The following GSDME variants were observed in gnomAD, a reference collection of about 807,000 sequenced individuals.
The protein encoded by GSDME is gasdermin-E.
In GSDME, 44 loss-of-function variants were observed where a neutral mutation model predicts 47.5. That is an observed-to-expected ratio of 0.93 (90% CI 0.73 to 1.19). The LOEUF (loss-of-function observed/expected upper bound fraction) is 1.19. Ranked by LOEUF, GSDME falls within the 50% of genes most tolerant of loss-of-function variation. The pLI, the probability that GSDME is intolerant of heterozygous loss-of-function variation, is 0.00. For missense variants in GSDME, 663 were observed against 604.2 expected (o/e 1.10, Z -1.02); for synonymous variants, 258 against 252.8 (o/e 1.02, Z -0.20).
At chr7:24,755,211 A>G (rs1209237734) in intron 1 of GSDME, among the ~76,000 whole-genome samples, 2 of 152,214 alleles carry the variant, frequency 1.3e-5, no homozygotes, top group East Asian at 3.8e-4. Flanking sequence ...TCTTGTCATG[A>G]TAAATCAACA....
chr7:24,700,232 A>C (rs1178837956), intron 9 of GSDME, among the ~76,000 whole-genome samples: 1 of 152,188 alleles, frequency 6.6e-6, no homozygotes, highest in Non-Finnish European at 1.5e-5. Flanking sequence ...TGCCGTGCCT[A>C]CAACACAGAC....
chr7:24,748,163 TA>T (rs1327410972), intron 2 of GSDME, among the ~76,000 whole-genome samples: 21,664 of 116,746 alleles, frequency 0.19, 2,100 homozygotes, highest in African/African-American at 0.33. Context: ...TATATATATA[TA>T]TATATTTTTT....
the GSDME span, among the ~76,000 whole-genome samples, chr7:24,766,975 G>A: frequency 6.6e-6 from 1 of 152,130 alleles, no homozygotes; most frequent in Non-Finnish European, 1.5e-5. The surrounding 1 kb of genome is among the most constrained non-coding windows in gnomAD (Gnocchi z 4.2). Context: ...GTTGTTTCCT[G>A]ATTTTTTAAT....
upstream of GSDME, among the ~76,000 whole-genome samples, chr7:24,758,326 C>T (rs1009851977): frequency 2.0e-5 from 3 of 152,216 alleles, no homozygotes; most frequent in Admixed American, 6.5e-5. The surrounding 1 kb of genome is among the most constrained non-coding windows in gnomAD (Gnocchi z 4.6). Context: ...GCCTGACCCG[C>T]TCCCAGGTCC....
At chr7:24,769,517 C>G in the GSDME span, among the ~76,000 whole-genome samples, 3 of 152,320 alleles carry the variant, frequency 2.0e-5, no homozygotes, top group Non-Finnish European at 4.4e-5. Context: ...GAGCCTAACT[C>G]AACTCCAGTC....
chr7:24,771,203 A>G, the GSDME span, among the ~76,000 whole-genome samples: 5 of 152,186 alleles, frequency 3.3e-5, no homozygotes, highest in African/African-American at 1.2e-4. The surrounding 1 kb of genome is among the most constrained non-coding windows in gnomAD (Gnocchi z 4.1). Flanking sequence ...AAATAAAGGA[A>G]AGGCCAAAGA....
chr7:24,722,562 T>C (rs781009336), intron 3 of GSDME, among the ~76,000 whole-genome samples: 5 of 152,302 alleles, frequency 3.3e-5, no homozygotes, highest in African/African-American at 9.6e-5. Context: ...GTCAGACACA[T>C]CACCGCCTGG....
In GSDME at chr7:24,716,202, C is replaced by G. The variant is rs1404213602; in HGVS notation, c.697+1052G>C. Among the ~76,000 whole-genome samples, 1 of 152,174 alleles carries G rather than the reference C, an allele frequency of 6.6e-6. No individual in the cohort carries two copies. Among genetic ancestry groups the G allele is most frequent in the Admixed American group, 6.5e-5 (1 of 15,282 alleles). On this transcript the variant is annotated intron_variant, in intron 5 of 9. Coordinates refer to ENST00000645220, the MANE Select transcript of GSDME (RefSeq NM_001127453.2). This position sits in a 1 kb window ranked among gnomAD's most constrained non-coding sequence, Gnocchi z 4.5. ...TGCTGTTACAGAAAATGTCAAACTG[C>G]ACAGGAATAGAGAGGAGGAGCGTGA...
chr7:24,720,907 CAAAA>C (rs36086754), intron 3 of GSDME, among the ~76,000 whole-genome samples: 3 of 124,188 alleles, frequency 2.4e-5, no homozygotes, highest in Non-Finnish European at 5.4e-5. Flanking sequence ...AACTCCGTCT[CAAAA>C]AAAAAAAAAA....
intron 3 of GSDME, among the ~76,000 whole-genome samples, chr7:24,730,788 C>T (rs537727300): frequency 6.6e-6 from 1 of 152,204 alleles, no homozygotes; most frequent in East Asian, 1.9e-4. Context: ...GCACTCCAGC[C>T]TGGGCAACAG....
In GSDME at chr7:24,717,334, T is replaced by G. The variant is rs768507916; in HGVS notation, c.617A>C (p.Asn206Thr). ...TEDGNVTKDS[N>T]VVLEIPAATT... The stretch of plus-strand genomic sequence containing the variant: ...GGCAGCTGGGATCTCCAGCACCACG[T>G]TGGAGTCCTTGGTGACATTCCCATC... Residue 206 changes from asparagine (N) to threonine (T), a missense_variant, in exon 5 of 10, where the codon AAC (asparagine) becomes ACC (threonine). By Grantham distance (65) the Asn-to-Thr change is moderately conservative (BLOSUM62 0). Transcript: ENST00000645220. 1 of 1,611,548 alleles carries G rather than the reference T, an allele frequency of 6.2e-7. No homozygotes were observed. The highest frequency in any genetic ancestry group is 1.3e-5 in the African/African-American group (1 of 74,610).
chr7:24,761,926 T>C (rs1791171138), upstream of GSDME, among the ~76,000 whole-genome samples: 1 of 152,158 alleles, frequency 6.6e-6, no homozygotes, highest in African/African-American at 2.4e-5. The surrounding 1 kb of genome is among the most constrained non-coding windows in gnomAD (Gnocchi z 4.4). Context: ...TTTCCAGACA[T>C]CTTCTATCTG....
intron 8 of GSDME, chr7:24,703,223 C>T (rs1788952367): frequency 3.0e-6 from 1 of 338,266 alleles, no homozygotes; most frequent in African/African-American, 2.1e-5. Context: ...CCTCTCTCAG[C>T]CTCAGTTTCC....
chr7:24,717,207 G>C, intron 5 of GSDME, 47 bp downstream of exon 5: 1 of 1,611,182 alleles, frequency 6.2e-7, no homozygotes, highest in Non-Finnish European at 8.5e-7. Flanking sequence ...TCTGCTGAGG[G>C]ATCCTCTGCT....
chr7:24,705,546 C>T lies in GSDME; in HGVS notation c.1183+638G>A, dbSNP rs1012844162. The T allele has an allele frequency of 2.5e-5, 4 of 158,734 alleles. No homozygotes were observed. Among genetic ancestry groups the T allele is most frequent in the East Asian group, 1.9e-4 (1 of 5,346 alleles). 9.8% of individuals were successfully genotyped at this position (158,734 alleles called of 1,614,324 possible). On this transcript the variant is annotated intron_variant, in intron 8 of 9. Transcript: ENST00000645220. This position sits in a 1 kb window ranked among gnomAD's most constrained non-coding sequence, Gnocchi z 4.1. ...GAGGGAATAGGAAGCCCAGCTTCCTCGTGACAGGCACTGTGGCATGGCGAG... is the reference window on the plus strand; with the variant it reads ...GAGGGAATAGGAAGCCCAGCTTCCTTGTGACAGGCACTGTGGCATGGCGAG...
At chr7:24,746,137 C>T (rs1187222355) in intron 2 of GSDME, among the ~76,000 whole-genome samples, 1 of 152,222 alleles carries the variant, frequency 6.6e-6, no homozygotes, top group East Asian at 1.9e-4. Flanking sequence ...CAGAAGTAAT[C>T]ACCATTCAAT....
chr7:24,793,732 G>T, the GSDME span, among the ~76,000 whole-genome samples: 2 of 150,384 alleles, frequency 1.3e-5, no homozygotes, highest in Non-Finnish European at 1.5e-5. Flanking sequence ...TTTATTTTAG[G>T]ACAAGAATGT....
intron 7 of GSDME, 83 bp downstream of exon 7, chr7:24,708,044 C>T: frequency 6.4e-7 from 1 of 1,569,642 alleles, no homozygotes; most frequent in South Asian, 1.1e-5. Flanking sequence ...GCGGGGGAAC[C>T]TTTAACACAA....
intron 3 of GSDME, among the ~76,000 whole-genome samples, chr7:24,727,885 C>CA (rs1790021035): frequency 6.6e-6 from 1 of 152,212 alleles, no homozygotes; most frequent in Non-Finnish European, 1.5e-5. Context: ...GAGCAGCGCT[C>CA]AAACCACATC....
Sources: gnomAD v4.1 joint callset for allele counts (sites outside exome capture counted in the v4.1 genomes callset) on GRCh38, gnomAD v4.1.1 for gene constraint, Gnocchi (gnomAD v3.1) non-coding constraint, MANE v1.5 for transcripts, NCBI Gene and HGNC (gene_info 2026-07-23, HGNC 2026-07-21) for gene names.